EPHA6: variants seen among roughly 807,000 people sequenced by gnomAD.
EPHA6 encodes the protein EPH receptor A6, also known as ephrin type-A receptor 6.
EPHA6 carries 50 observed loss-of-function variants against 112.0 expected under a neutral mutation model. The ratio of observed to expected loss-of-function variants is 0.45; its 90% confidence interval spans 0.36 to 0.56. The LOEUF (loss-of-function observed/expected upper bound fraction) is 0.56, where lower values mean the gene tolerates loss of function less well. Among genes scored for constraint, EPHA6 ranks in the 20% least tolerant of loss-of-function variants. The probability of loss-of-function intolerance (pLI) is 0.00; values close to 1 mark genes in which losing one functional copy is unlikely to be tolerated. For missense variants in EPHA6, 1,280 were observed against 1,417.4 expected, an observed-to-expected ratio of 0.90 and a Z score of 1.56; for synonymous variants, 529 against 490.7, an observed-to-expected ratio of 1.08 and a Z score of -1.03.
chr3:96,895,656 T>C (rs903317649), intron 2 of EPHA6, among the ~76,000 whole-genome samples: 1 of 152,192 alleles, frequency 6.6e-6, no homozygotes, highest in Non-Finnish European at 1.5e-5. Context: ...TTTATACTGT[T>C]TTTTGTTGTT....
At chr3:96,936,610 A>T (rs1203114802) in intron 2 of EPHA6, among the ~76,000 whole-genome samples, 3 of 150,800 alleles carry the variant, frequency 2.0e-5, no homozygotes, top group East Asian at 1.9e-4. Context: ...AATTTAATTT[A>T]ATTTTATTAT....
chr3:97,643,127 G>A (rs2094024899), intron 14 of EPHA6, among the ~76,000 whole-genome samples: 1 of 151,984 alleles, frequency 6.6e-6, no homozygotes, highest in Admixed American at 6.6e-5. Context: ...AGAGAGTGGG[G>A]GCCAATATTC....
chr3:97,104,900 T>G (rs1302042393), intron 3 of EPHA6, among the ~76,000 whole-genome samples: 1 of 152,114 alleles, frequency 6.6e-6, no homozygotes, highest in African/African-American at 2.4e-5. Flanking sequence ...AATTCATCTG[T>G]CTCATCTAGG....
At chr3:97,418,216 T>G (rs1559979994) in intron 6 of EPHA6, among the ~76,000 whole-genome samples, 1 of 151,438 alleles carries the variant, frequency 6.6e-6, no homozygotes, top group Non-Finnish European at 1.5e-5. Context: ...TATCAGTATA[T>G]ACTAATAAAT....
intron 3 of EPHA6, among the ~76,000 whole-genome samples, chr3:97,215,535 C>T (rs1041278276): frequency 3.3e-5 from 5 of 151,282 alleles, no homozygotes; most frequent in Non-Finnish European, 5.9e-5. Context: ...TGCTTGAACC[C>T]GGGAGGCGGA....
At chr3:96,916,325 A>G (rs1039170313) in intron 2 of EPHA6, among the ~76,000 whole-genome samples, 10 of 152,154 alleles carry the variant, frequency 6.6e-5, no homozygotes, top group African/African-American at 2.4e-4. Context: ...TAATAGCATA[A>G]TTGACAGTTC....
At chr3:97,228,798 A>G (rs1453875897) in intron 4 of EPHA6, among the ~76,000 whole-genome samples, 1 of 152,120 alleles carries the variant, frequency 6.6e-6, no homozygotes, top group Non-Finnish European at 1.5e-5. Context: ...GAATCTCCAT[A>G]CCGTTATCCG....
At chr3:97,712,301 A>G (rs2034009066) in intron 14 of EPHA6, among the ~76,000 whole-genome samples, 1 of 152,188 alleles carries the variant, frequency 6.6e-6, no homozygotes, top group Admixed American at 6.5e-5. Context: ...AAAGTGAGAG[A>G]GAGAATACCT....
At chr3:97,664,765 G>A (rs1469614597) in intron 14 of EPHA6, among the ~76,000 whole-genome samples, 4 of 152,060 alleles carry the variant, frequency 2.6e-5, no homozygotes, top group African/African-American at 9.7e-5. Context: ...AACTTACAAG[G>A]GATGTGAAGG....
intron 3 of EPHA6, among the ~76,000 whole-genome samples, chr3:97,124,910 A>G (rs1018117241): frequency 1.3e-5 from 2 of 151,992 alleles, no homozygotes; most frequent in Non-Finnish European, 2.9e-5. Context: ...GCAGTTCCAG[A>G]TCTATCTTTT....
At chr3:97,360,108 G>A (rs2084297301) in intron 5 of EPHA6, among the ~76,000 whole-genome samples, 1 of 152,160 alleles carries the variant, frequency 6.6e-6, no homozygotes, top group Non-Finnish European at 1.5e-5. Flanking sequence ...TATTTGGAGG[G>A]CAAGGTCTTT....
intron 11 of EPHA6, among the ~76,000 whole-genome samples, chr3:97,556,755 C>G (rs974673213): frequency 2.0e-5 from 3 of 151,968 alleles, no homozygotes; most frequent in African/African-American, 7.2e-5. Flanking sequence ...AGGTAGTGAT[C>G]ATTGCATAAC....
intron 2 of EPHA6, among the ~76,000 whole-genome samples, chr3:96,936,381 T>A (rs2040582212): frequency 1.3e-5 from 2 of 151,946 alleles, no homozygotes; most frequent in African/African-American, 4.8e-5. Flanking sequence ...ATGTATCTGC[T>A]TTACATAAAC....
intron 3 of EPHA6, among the ~76,000 whole-genome samples, chr3:97,100,130 A>C (rs1030008488): frequency 6.6e-6 from 1 of 151,846 alleles, no homozygotes. Context: ...AAACAAAGTT[A>C]ATAAAGAGAA....
At chr3:97,440,292 G>A (rs2090069819) in intron 6 of EPHA6, among the ~76,000 whole-genome samples, 1 of 151,844 alleles carries the variant, frequency 6.6e-6, no homozygotes, top group Admixed American at 6.6e-5. Context: ...GGAAATATAA[G>A]GCCAAATTGA....
In EPHA6 at chr3:97,759,856, A is replaced by C. The variant is rs2036115337; in HGVS notation, c.*11155A>C. 9.5e-6 allele frequency: 2 copies of C among 211,362 alleles called. No homozygotes were observed. The allele number at this position is 211,362 out of a possible 1,614,324, so 13.1% of individuals were successfully genotyped here. A position where few individuals can be genotyped will look rare whatever the true frequency, so the allele number is the denominator to read the frequency against. On this transcript the variant is annotated 3_prime_UTR_variant, in exon 18 of 18. Coordinates refer to ENST00000389672, the MANE Select transcript of EPHA6 (RefSeq NM_001080448.3). ...TATTTTAAAGGCATCTTTACTAAATATTTTTGAGACATCTTATTGGAAGAC... is the reference window on the plus strand; with the variant it reads ...TATTTTAAAGGCATCTTTACTAAATCTTTTTGAGACATCTTATTGGAAGAC...
chr3:97,569,006 G>A (rs2093302862), intron 11 of EPHA6, among the ~76,000 whole-genome samples: 1 of 152,184 alleles, frequency 6.6e-6, no homozygotes, highest in South Asian at 2.1e-4. Context: ...AAAACAGTCA[G>A]ACACCAAGGG....
intron 3 of EPHA6, among the ~76,000 whole-genome samples, chr3:97,214,342 A>G (rs2077970875): frequency 6.6e-6 from 1 of 152,054 alleles, no homozygotes; most frequent in South Asian, 2.1e-4. Flanking sequence ...ACCTGGCTTC[A>G]TGTATTCTTT....
chr3:97,433,111 G>T (rs548523956), intron 6 of EPHA6, among the ~76,000 whole-genome samples: 1 of 152,262 alleles, frequency 6.6e-6, no homozygotes, highest in East Asian at 1.9e-4. Context: ...GGTAAAAACT[G>T]AAATGGAAAT....
Sources: gnomAD v4.1 joint callset for allele counts (sites outside exome capture counted in the v4.1 genomes callset) on GRCh38, gnomAD v4.1.1 for gene constraint, MANE v1.5 for transcripts, NCBI Gene and HGNC (gene_info 2026-07-23, HGNC 2026-07-21) for gene names.